Variants in RBP3 observed in about 807,000 individuals in gnomAD.
The protein encoded by RBP3 is retinol-binding protein 3.
In RBP3, 50 loss-of-function variants were observed where a neutral mutation model predicts 64.8. The ratio of observed to expected loss-of-function variants is 0.77; its 90% CI spans 0.61 to 0.98. The LOEUF is 0.98. Among genes scored for constraint, RBP3 ranks in the 50% least tolerant of loss-of-function variants. The probability of loss-of-function intolerance (pLI) is 0.00; values close to 1 mark genes in which losing one functional copy is unlikely to be tolerated. For missense variants in RBP3, 1,712 were observed against 1,660.5 expected (o/e 1.03, Z -0.54); for synonymous variants, 828 against 730.2 (o/e 1.13, Z -2.16).
chr10:47,355,289 G>C (rs1837030226), intron 2 of RBP3, 87 bp from the exon 3 acceptor site: 1 of 1,565,240 alleles, frequency 6.4e-7, no homozygotes, highest in Non-Finnish European at 8.8e-7. Flanking sequence ...AACCCTCCAT[G>C]GGACAAAGAT....
rs1565768665 is a variant in RBP3, at chr10:47,355,480, ACT to A, written c.3353_3354del (p.Ser1118CysfsTer3). On this transcript the variant is annotated frameshift_variant, in exon 3 of 4. Transcript: ENST00000584701. LOFTEE classifies it low-confidence loss of function (END_TRUNC). ...GACAAGATCTACAGCCGGCCTGATG[ACT>A]CTGTCAGTGAACTCTGGACACACGC... 1.2e-6 allele frequency: 2 copies of A among 1,613,850 alleles called. No individual in the cohort carries two copies. The highest frequency in any genetic ancestry group is 2.2e-5 in the South Asian group (2 of 91,078).
rs1380418518 is a variant in RBP3, at chr10:47,349,560, T to C, written c.1076T>C (p.Phe359Ser). 3.1e-6 allele frequency: 5 copies of C among 1,612,840 alleles called. No homozygotes were observed. The highest frequency in any genetic ancestry group is 1.7e-5 in the Admixed American group (1 of 60,010). The stretch of plus-strand genomic sequence containing the variant: ...CTGCAGCACTTGGCCAGCATGGACT[T>C]CTCCACGGTGGTCTCCGAGGAAGAT... ...TLLQHLASMD[F>S]STVVSEEDLV... Residue 359 changes from phenylalanine to serine, a missense_variant, in exon 1 of 4, where the codon TTC (phenylalanine) becomes TCC (serine). Transcript: ENST00000584701.
chr10:47,348,998 T>C lies in RBP3; in HGVS notation c.514T>C (p.Cys172Arg), dbSNP rs962460193. Residue 172 changes from cysteine to arginine, a missense_variant, in exon 1 of 4, where the codon TGC (cysteine) becomes CGC (arginine). By Grantham distance (180) the Cys-to-Arg change is radical. Transcript: ENST00000584701. The stretch of plus-strand genomic sequence containing the variant: ...CGCCTTAGTGCTGGATCTCCGGCAC[T>C]GCACAGGAGGCCAGGTCTCTGGCAT... ...TSALVLDLRH[C>R]TGGQVSGIPY... 10 of 1,614,002 alleles carry C rather than the reference T, an allele frequency of 6.2e-6. No homozygotes were observed. Among genetic ancestry groups the C allele is most frequent in the Non-Finnish European group, 7.6e-6 (9 of 1,180,016 alleles).
intron 1 of RBP3, 30 bp downstream of exon 1, chr10:47,351,568 C>T: frequency 6.2e-7 from 1 of 1,613,116 alleles, no homozygotes. Flanking sequence ...TGGCTGAACC[C>T]AGTCCCGGGA....
Position 47,357,866 on chromosome 10 carries a change from G to C in RBP3, c.*409G>C, listed in dbSNP as rs558166276. 6.3e-6 allele frequency: 1 copy of C among 158,486 alleles called. No homozygotes were observed. Among genetic ancestry groups the C allele is most frequent in the East Asian group, 1.9e-4 (1 of 5,318 alleles). The allele number at this position is 158,486 out of a possible 1,614,324, so 9.8% of individuals were successfully genotyped here. The stretch of plus-strand genomic sequence containing the variant: ...AGAAGATAAAATAAATTATATACCC[G>C]AGCCATTAACCACAATTTAGTGATC... On this transcript the variant is annotated 3_prime_UTR_variant, in exon 4 of 4. Transcript: ENST00000584701.
Position 47,353,456 on chromosome 10 carries a change from G to A in RBP3, c.3186G>A (p.Leu1062=), listed in dbSNP as rs782304681. The A allele has an allele frequency of 2.0e-5, 33 of 1,614,180 alleles. No homozygotes were observed. The highest frequency in any genetic ancestry group is 2.8e-5 in the Non-Finnish European group (33 of 1,180,046). The change falls in exon 2 of 4, where the codon CTG becomes CTA. Residue 1062 remains leucine (L), a synonymous_variant. Transcript: ENST00000584701. The stretch of plus-strand genomic sequence containing the variant: ...AGCTGCTCACCCAGGTCTCCAGGCT[G>A]CTGGTGGAGCACATCTGGAAGAAGA... ...DGELLTQVSR[L]LVEHIWKKIM...
At position 47,349,213 on chromosome 10, in the gene RBP3, G is replaced by A. The variant is rs201362886; in HGVS notation, c.729G>A (p.Ala243=). ...CCAGGGGCGTGGCCGAGGACATCGC[G>A]CACATCCTTAAGCAGATGCGCAGGG... ...SQTRGVAEDI[A]HILKQMRRAI... is the part of the protein sequence containing the mutation. The change falls in exon 1 of 4, where the codon GCG becomes GCA. Residue 243 remains alanine (A), a synonymous_variant. Coordinates refer to ENST00000584701, the MANE Select transcript of RBP3 (RefSeq NM_002900.3). 31 of 1,613,520 alleles carry A rather than the reference G, an allele frequency of 1.9e-5. No individual in the cohort carries two copies. In the Admixed American group the frequency reaches 4.2e-4, roughly 22 times the overall value.
Position 47,351,182 on chromosome 10 carries a change from A to G in RBP3, c.2698A>G (p.Ser900Gly), listed in dbSNP as rs782070514. ...YASMPTQMAM[S>G]ATTGKAWDLA... ...ATCCATGCCCACCCAGATGGCCATGAGTGCCACCACAGGCAAGGCCTGGGA... is the reference window on the plus strand; with the variant it reads ...ATCCATGCCCACCCAGATGGCCATGGGTGCCACCACAGGCAAGGCCTGGGA... The change falls in exon 1 of 4, where the codon AGT (serine) becomes GGT (glycine). Residue 900 changes from serine (S) to glycine (G), a missense_variant. Ser to Gly is a moderately conservative substitution (Grantham distance 56). Transcript: ENST00000584701. 1 of 1,613,230 alleles carries G rather than the reference A, an allele frequency of 6.2e-7. No homozygotes were observed. The highest frequency in any genetic ancestry group is 8.5e-7 in the Non-Finnish European group (1 of 1,180,026).
intron 3 of RBP3, 101 bp downstream of exon 3, chr10:47,355,619 T>G: frequency 6.9e-7 from 1 of 1,440,564 alleles, no homozygotes; most frequent in Non-Finnish European, 9.7e-7. Flanking sequence ...GTAACCAGAA[T>G]GTAAGGCCCT....
Position 47,353,664 on chromosome 10 carries a change from G to C in RBP3, c.3245+149G>C, listed in dbSNP as rs1015141278. 2.0e-5 allele frequency: 18 copies of C among 903,332 alleles called. No homozygotes were observed. The African/African-American group carries it at 2.6e-4, about 13-fold the overall frequency. 56.0% of individuals were successfully genotyped at this position (903,332 alleles called of 1,614,324 possible). A position where few individuals can be genotyped will look rare whatever the true frequency, so the allele number is the denominator to read the frequency against. ...CAGGCCTCCTGCCTATCAGGGCTTC[G>C]GCCAGCTAGCCCAGCAGATCTGCTG... On this transcript the variant is annotated intron_variant, in intron 2 of 3. Transcript: ENST00000584701.
chr10:47,355,449 CT>C lies in RBP3; in HGVS notation c.3320del (p.Leu1107ArgfsTer23), dbSNP rs782492315. The C allele has an allele frequency of 3.7e-6, 6 of 1,614,090 alleles. No homozygotes were observed. The highest frequency in any genetic ancestry group is 5.1e-6 in the Non-Finnish European group (6 of 1,180,048). ...CTTCTTTGATGAAGGCCCTCCAGTT[CT>C]GCTGGACAAGATCTACAGCCGGCCT... is the stretch of plus-strand genomic sequence containing the variant. The part of the protein sequence containing the change: ...SYFFDEGPPV[L>X]LDKIYSRPDD... On this transcript the variant is annotated frameshift_variant, in exon 3 of 4. Transcript: ENST00000584701. LOFTEE classifies it high-confidence loss of function.
chr10:47,352,959 G>A (rs569237149), intron 1 of RBP3, among the ~76,000 whole-genome samples: 310 of 152,330 alleles, frequency 2.0e-3, no homozygotes, highest in Non-Finnish European at 3.3e-3. Flanking sequence ...CGGGCCAGGT[G>A]CCTGGTAAAG....
At chr10:47,355,807 T>A (rs1837039387) in intron 3 of RBP3, among the ~76,000 whole-genome samples, 1 of 152,116 alleles carries the variant, frequency 6.6e-6, no homozygotes, top group Middle Eastern at 3.2e-3. Flanking sequence ...ATACCAAAAT[T>A]TCCCCCAGGC....
chr10:47,357,531 G>A lies in RBP3; in HGVS notation c.*74G>A, dbSNP rs1837066872. On this transcript the variant is annotated 3_prime_UTR_variant, in exon 4 of 4. Coordinates refer to ENST00000584701, the MANE Select transcript of RBP3 (RefSeq NM_002900.3). Reference sequence around the variant, plus strand: ...ACACACCAAGGGCACTCCTGCAGGTGGCCCGGCCTGAGGTTCCCAGGAGCA... The same window carrying A: ...ACACACCAAGGGCACTCCTGCAGGTAGCCCGGCCTGAGGTTCCCAGGAGCA... The A allele has an allele frequency of 2.1e-6, 3 of 1,419,272 alleles. No homozygotes were observed. Among genetic ancestry groups the A allele is most frequent in the African/African-American group, 1.4e-5 (1 of 70,480 alleles). 87.9% of individuals were successfully genotyped at this position (1,419,272 alleles called of 1,614,324 possible).
In RBP3 at chr10:47,350,625, C is replaced by T; in HGVS notation, c.2141C>T (p.Pro714Leu). Residue 714 changes from proline to leucine, a missense_variant, in exon 1 of 4, where the codon CCC (proline) becomes CTC (leucine). Pro to Leu is a moderately conservative substitution (Grantham distance 98, BLOSUM62 -3). Transcript: ENST00000584701. The stretch of plus-strand genomic sequence containing the variant: ...GGCGAGCTGGTGGTAGAGGAAGCAC[C>T]CCCACCACCCCCTGCTGTCCCCTCT... ...SPGELVVEEAPPPPPAVPSPE... is the reference protein window; with the variant it reads ...SPGELVVEEALPPPPAVPSPE... 1 of 1,612,836 alleles carries T rather than the reference C, an allele frequency of 6.2e-7. No individual in the cohort carries two copies. The highest frequency in any genetic ancestry group is 8.5e-7 in the Non-Finnish European group (1 of 1,180,024).
intron 3 of RBP3, 124 bp from the exon 4 acceptor site, chr10:47,356,978 A>G: frequency 1.3e-6 from 1 of 788,514 alleles, no homozygotes; most frequent in South Asian, 1.6e-5. Context: ...TCACAAGTGG[A>G]CACAAGGACA....
At position 47,351,358 on chromosome 10, in the gene RBP3, G is replaced by C; in HGVS notation, c.2874G>C (p.Gly958=). The stretch of plus-strand genomic sequence containing the variant: ...ATAACTATGCCTCTGCCGAGCTGGG[G>C]GCCAAGATGGCCACCAAACTGAGCG... The part of the protein sequence containing the change: ...VADNYASAEL[G]AKMATKLSGL... The change falls in exon 1 of 4, where the codon GGG becomes GGC. Residue 958 remains glycine (G), a synonymous_variant. Transcript: ENST00000584701. The C allele has an allele frequency of 6.2e-7, 1 of 1,613,566 alleles. No homozygotes were observed. The highest frequency in any genetic ancestry group is 2.2e-5 in the East Asian group (1 of 44,882).
Position 47,350,703 on chromosome 10 carries a change from C to G in RBP3, c.2219C>G (p.Pro740Arg). ...GCCCTGTTCAAGACAGAGGTGCTGC[C>G]CGGCCAGCTGGGCTACCTGCGTTTT... ...IEALFKTEVL[P>R]GQLGYLRFDA... is the part of the protein sequence containing the mutation. The change falls in exon 1 of 4, where the codon CCC becomes CGC. Residue 740 changes from proline (P) to arginine (R), a missense_variant. Coordinates refer to ENST00000584701, the MANE Select transcript of RBP3 (RefSeq NM_002900.3). 1 of 1,613,196 alleles carries G rather than the reference C, an allele frequency of 6.2e-7. No individual in the cohort carries two copies. The highest frequency in any genetic ancestry group is 2.2e-5 in the East Asian group (1 of 44,868).
chr10:47,351,005 T>C lies in RBP3; in HGVS notation c.2521T>C (p.Tyr841His), dbSNP rs782153546. 3 of 1,610,976 alleles carry C rather than the reference T, an allele frequency of 1.9e-6. No individual in the cohort carries two copies. The change falls in exon 1 of 4, where the codon TAC becomes CAC. Residue 841 changes from tyrosine to histidine, a missense_variant. Transcript: ENST00000584701. Reference protein sequence around the residue: ...GQRYGSHKDLYILMSHTSGSA... With the variant: ...GQRYGSHKDLHILMSHTSGSA... The stretch of plus-strand genomic sequence containing the variant: ...GCGCTACGGCTCACACAAGGACCTC[T>C]ACATCCTGATGAGCCACACCAGTGG...
Sources: gnomAD v4.1 joint callset for allele counts (sites outside exome capture counted in the v4.1 genomes callset) on GRCh38, gnomAD v4.1.1 for gene constraint, MANE v1.5 for transcripts, NCBI Gene and HGNC (gene_info 2026-07-23, HGNC 2026-07-21) for gene names.